GRB10: variants seen among roughly 807,000 people sequenced by gnomAD.
The protein encoded by GRB10 is growth factor receptor-bound protein 10.
A neutral mutation model predicts 80.9 loss-of-function variants in GRB10; 20 were observed. The observed-to-expected ratio is 0.25, with a 90% confidence interval of 0.17 to 0.36. The LOEUF is 0.36. Among genes scored for constraint, GRB10 ranks in the 10% least tolerant of loss-of-function variants. The probability of loss-of-function intolerance (pLI) is 1.00; values close to 1 mark genes in which losing one functional copy is unlikely to be tolerated. For missense variants in GRB10, 548 were observed against 747.7 expected (o/e 0.73, Z 3.12); for synonymous variants, 291 against 291.5 (o/e 1.00, Z 0.02).
At chr7:50,754,579 G>A (rs922734896) in intron 3 of GRB10, among the ~76,000 whole-genome samples, 11 of 152,210 alleles carry the variant, frequency 7.2e-5, no homozygotes, top group African/African-American at 2.7e-4. Flanking sequence ...TGGAGAGAAG[G>A]AAAATGTCCA....
chr7:50,697,869 G>C (rs2063650325), intron 5 of GRB10, among the ~76,000 whole-genome samples: 1 of 152,158 alleles, frequency 6.6e-6, no homozygotes, highest in Non-Finnish European at 1.5e-5. Flanking sequence ...CAGTGCCAGG[G>C]AGCTGCAAGC....
intron 2 of GRB10, among the ~76,000 whole-genome samples, chr7:50,780,426 T>G (rs542016760): frequency 6.6e-6 from 1 of 152,312 alleles, no homozygotes; most frequent in African/African-American, 2.4e-5. Context: ...ATTCTGCCCT[T>G]GACCCTTCAG....
At chr7:50,728,764 G>A (rs1003029744) in intron 4 of GRB10, among the ~76,000 whole-genome samples, 9 of 152,134 alleles carry the variant, frequency 5.9e-5, no homozygotes, top group African/African-American at 1.7e-4. Context: ...TCCACCTCCT[G>A]GGTTCAAGCA....
chr7:50,752,420 A>G (rs1587855902), intron 3 of GRB10, among the ~76,000 whole-genome samples: 1 of 152,198 alleles, frequency 6.6e-6, no homozygotes, highest in Non-Finnish European at 1.5e-5. Flanking sequence ...CAACTGTAGA[A>G]GTTTCCTGCC....
chr7:50,749,895 T>C (rs1934927808), intron 3 of GRB10, among the ~76,000 whole-genome samples: 2 of 152,254 alleles, frequency 1.3e-5, no homozygotes, highest in South Asian at 2.1e-4. Context: ...TTTGTACTTA[T>C]CATAAATCTT....
chr7:50,768,085 C>T (rs533929326), intron 2 of GRB10, among the ~76,000 whole-genome samples: 29 of 152,232 alleles, frequency 1.9e-4, no homozygotes, highest in Non-Finnish European at 1.9e-4. Flanking sequence ...CAGCTGGGTC[C>T]GCTCAAACCT....
At chr7:50,727,721 C>T (rs1432905086) in intron 4 of GRB10, 1 of 60,022 alleles carries the variant, frequency 1.7e-5, no homozygotes, top group Non-Finnish European at 3.0e-5. Context: ...AAGTATCGCA[C>T]AAATCACTTA....
intron 4 of GRB10, among the ~76,000 whole-genome samples, chr7:50,723,016 A>C (rs2068008683): frequency 6.6e-6 from 1 of 152,162 alleles, no homozygotes; most frequent in Admixed American, 6.5e-5. Flanking sequence ...GACCTCAAAG[A>C]CCAATTTAAT....
intron 7 of GRB10, among the ~76,000 whole-genome samples, chr7:50,640,927 C>G (rs1486320976): frequency 1.3e-5 from 2 of 152,166 alleles, no homozygotes; most frequent in Non-Finnish European, 2.9e-5. Flanking sequence ...GATCCCAGCC[C>G]TATGGAGCTG....
intron 6 of GRB10, among the ~76,000 whole-genome samples, chr7:50,670,601 A>G (rs2060257473): frequency 6.6e-6 from 1 of 151,960 alleles, no homozygotes; most frequent in Non-Finnish European, 1.5e-5. Flanking sequence ...AGTGCCTGAC[A>G]TGGCATCAGC....
Position 50,606,386 on chromosome 7 carries a change from C to A in GRB10, c.1223G>T (p.Arg408Leu), listed in dbSNP as rs374360989. ...CAAGGCCTTCCTCTGCTGAGGGATT[C>A]GGTAATTCTGGTAAAGGAGCATTCC... is the stretch of plus-strand genomic sequence containing the variant. ...KYGMLLYQNYRIPQQRKALLS... is the reference protein window; with the variant it reads ...KYGMLLYQNYLIPQQRKALLS... Residue 408 changes from arginine (R) to leucine (L), a missense_variant, in exon 14 of 19, where the codon CGA becomes CTA. This residue lies in a region of GRB10 where 270 missense variants were observed against 433.6 expected (regional missense o/e 0.62). Coordinates refer to ENST00000401949, the MANE Select transcript of GRB10 (RefSeq NM_001350814.2). 6.2e-7 allele frequency: 1 copy of A among 1,614,026 alleles called. No homozygotes were observed. The highest frequency in any genetic ancestry group is 2.2e-5 in the East Asian group (1 of 44,890).
chr7:50,766,766 C>T (rs575236396), intron 2 of GRB10, among the ~76,000 whole-genome samples: 2 of 152,342 alleles, frequency 1.3e-5, no homozygotes, highest in South Asian at 2.1e-4. Context: ...CCAGAGCCCA[C>T]TAGGGCCTGG....
At chr7:50,708,655 G>C (rs1056201718) in intron 4 of GRB10, among the ~76,000 whole-genome samples, 1 of 151,116 alleles carries the variant, frequency 6.6e-6, no homozygotes, top group African/African-American at 2.4e-5. Context: ...AAGGGAATGG[G>C]GGAGGCCCTG....
intron 10 of GRB10, among the ~76,000 whole-genome samples, chr7:50,617,636 T>A (rs1488443096): frequency 6.6e-6 from 1 of 152,196 alleles, no homozygotes. Context: ...AAAAGTCTGT[T>A]GTGGTAACCC....
intron 4 of GRB10, among the ~76,000 whole-genome samples, chr7:50,708,007 T>C (rs974830527): frequency 6.6e-6 from 1 of 152,242 alleles, no homozygotes; most frequent in East Asian, 1.9e-4. Flanking sequence ...ATTTAGCAAA[T>C]ACAAATACAG....
At chr7:50,597,152 G>GTGAATA (rs1313128630) in intron 17 of GRB10, among the ~76,000 whole-genome samples, 2 of 152,230 alleles carry the variant, frequency 1.3e-5, no homozygotes, top group Non-Finnish European at 1.5e-5. Context: ...CCTTAAATAT[G>GTGAATA]TGAATATTCA....
intron 7 of GRB10, among the ~76,000 whole-genome samples, chr7:50,657,066 G>C (rs2153625020): frequency 6.6e-6 from 1 of 152,284 alleles, no homozygotes; most frequent in South Asian, 2.1e-4. Flanking sequence ...ATCAATGTAG[G>C]TATCAGCTAT....
intron 17 of GRB10, among the ~76,000 whole-genome samples, chr7:50,597,325 G>A (rs1260339049): frequency 6.6e-6 from 1 of 152,222 alleles, no homozygotes; most frequent in South Asian, 2.1e-4. Context: ...ATGGGACGGC[G>A]TGAGGAAGCT....
At chr7:50,622,115 A>G (rs1402812540) in intron 8 of GRB10, among the ~76,000 whole-genome samples, 1 of 152,276 alleles carries the variant, frequency 6.6e-6, no homozygotes, top group African/African-American at 2.4e-5. Context: ...AAGAGCTGTC[A>G]GCAAGCTCAG....
Sources: allele counts gnomAD v4.1 joint callset (sites outside exome capture counted in the v4.1 genomes callset), GRCh38; gene constraint gnomAD v4.1.1; regional missense constraint gnomAD v4.1.1; transcripts MANE v1.5; gene names NCBI Gene and HGNC (gene_info 2026-07-23, HGNC 2026-07-21).